Variants in RILPL1 observed in about 807,000 individuals in gnomAD.
The protein encoded by RILPL1 is RILP-like protein 1.
RILPL1 carries 33 observed loss-of-function variants against 50.3 expected under a neutral mutation model. The ratio of observed to expected loss-of-function variants is 0.66; its 90% CI spans 0.50 to 0.88. The LOEUF is 0.88. Among genes scored for constraint, RILPL1 ranks in the 40% least tolerant of loss-of-function variants. The pLI is 0.00. For synonymous variants in RILPL1, 205 were observed against 228.6 expected, an observed-to-expected ratio of 0.90 and a Z score of 0.93; for missense variants, 418 against 542.5, an observed-to-expected ratio of 0.77 and a Z score of 2.28.
At chr12:123,497,217 T>C (rs1274065181) in intron 4 of RILPL1, among the ~76,000 whole-genome samples, 9 of 152,196 alleles carry the variant, frequency 5.9e-5, no homozygotes, top group East Asian at 3.9e-4. Flanking sequence ...TTCCACCTTT[T>C]GGCGACTGTG....
chr12:123,499,719 T>A (rs1393399975), intron 2 of RILPL1, among the ~76,000 whole-genome samples, 183 bp from the exon 3 acceptor site: 1 of 151,906 alleles, frequency 6.6e-6, no homozygotes, highest in Non-Finnish European at 1.5e-5. Flanking sequence ...ATTCCTTGAT[T>A]CCCCCCGAGG....
At chr12:123,530,608 G>A (rs1254971809) in intron 1 of RILPL1, among the ~76,000 whole-genome samples, 1 of 152,234 alleles carries the variant, frequency 6.6e-6, no homozygotes, top group Non-Finnish European at 1.5e-5. Context: ...AACAATGCAT[G>A]GCACACAGTA....
rs193132341 is a variant in RILPL1 at position 123,518,156 on chromosome 12, C to T, written c.460+5339G>A. On this transcript the variant is annotated intron_variant, in intron 2 of 6. Coordinates refer to ENST00000376874, the MANE Select transcript of RILPL1 (RefSeq NM_178314.5). ...GAGTTCTGGAGATGGATGGTGGTGG[C>T]GGCTGCACAAGACTGTGAATGTACT... is the stretch of plus-strand genomic sequence containing the variant. Among the ~76,000 whole-genome samples the T allele has an allele frequency of 1.6e-4, 25 of 152,064 alleles. No individual in the cohort carries two copies. The East Asian group carries it at 3.1e-3, about 19-fold the overall frequency.
At chr12:123,501,490 G>A (rs1418488057) in intron 2 of RILPL1, among the ~76,000 whole-genome samples, 2 of 151,226 alleles carry the variant, frequency 1.3e-5, no homozygotes, top group African/African-American at 2.5e-5. Flanking sequence ...GCTGGGTGCC[G>A]GTGGCTCACG....
At chr12:123,476,379 T>G (rs1219478474) in intron 6 of RILPL1, among the ~76,000 whole-genome samples, 4 of 147,174 alleles carry the variant, frequency 2.7e-5, no homozygotes, top group African/African-American at 1.0e-4. Flanking sequence ...AGGTGGAGGT[T>G]GCGGTGAGCC....
At chr12:123,513,529 T>C in intron 2 of RILPL1, 1 of 210,136 alleles carries the variant, frequency 4.8e-6, no homozygotes. Flanking sequence ...CTGACTCCTA[T>C]CCCAGCTTCG....
intron 2 of RILPL1, chr12:123,514,481 C>CAGTG (rs987832540): frequency 6.6e-6 from 1 of 151,760 alleles, no homozygotes; most frequent in African/African-American, 2.4e-5. Context: ...GGCTGGAGTA[C>CAGTG]AGTGGCGCAA....
chr12:123,503,186 CTTTTTTTT>C (rs373514624), intron 2 of RILPL1, among the ~76,000 whole-genome samples: 6 of 80,734 alleles, frequency 7.4e-5, no homozygotes, highest in African/African-American at 1.7e-4. Flanking sequence ...CACGCCTGGC[CTTTTTTTT>C]TTTTTTTTTT....
At chr12:123,488,581 C>A (rs550314523) in intron 4 of RILPL1, among the ~76,000 whole-genome samples, 2 of 152,344 alleles carry the variant, frequency 1.3e-5, no homozygotes, top group Non-Finnish European at 2.9e-5. Flanking sequence ...AGGCTTCACA[C>A]CCTGTGGGAG....
rs762491099 is a variant in RILPL1, at chr12:123,499,427, G to A, written c.570C>T (p.Asp190=). Residue 190 remains aspartate (D), a synonymous_variant, in exon 3 of 7, where the codon GAC becomes GAT. Coordinates refer to ENST00000376874, the MANE Select transcript of RILPL1 (RefSeq NM_178314.5). ...KDRELGLKNE[D]VEALQQQQTR... is the part of the protein sequence containing the mutation. ...GGGGTGTGTCACTCACAGCCTCAAC[G>A]TCCTCATTTTTCAGGCCCAGCTCCC... 1.1e-5 allele frequency: 18 copies of A among 1,612,834 alleles called. No individual in the cohort carries two copies. Among genetic ancestry groups the A allele is most frequent in the Middle Eastern group, 1.6e-4 (1 of 6,082 alleles).
chr12:123,491,620 A>C lies in RILPL1; in HGVS notation c.802-5815T>G, dbSNP rs910896320. On this transcript the variant is annotated intron_variant, in intron 4 of 6. Transcript: ENST00000376874. This position sits in a 1 kb window ranked among gnomAD's most constrained non-coding sequence, Gnocchi z 4.0. ...ACCAGGCCTAGCATAAATTCAATGC[A>C]TAAATTCTGCCCGCCTTTCAGCCAG... Among the ~76,000 whole-genome samples, 2 of 152,234 alleles carry C rather than the reference A, an allele frequency of 1.3e-5. No homozygotes were observed. Among genetic ancestry groups the C allele is most frequent in the Admixed American group, 1.3e-4 (2 of 15,270 alleles).
chr12:123,513,160 CTG>C (rs758039718), intron 2 of RILPL1, among the ~76,000 whole-genome samples: 2 of 148,532 alleles, frequency 1.3e-5, no homozygotes, highest in South Asian at 2.2e-4. Context: ...GGTGTGAGGT[CTG>C]TGTGTGTGGC....
At chr12:123,495,194 T>C (rs1233909119) in intron 4 of RILPL1, among the ~76,000 whole-genome samples, 1 of 151,802 alleles carries the variant, frequency 6.6e-6, no homozygotes, top group Non-Finnish European at 1.5e-5. Flanking sequence ...CAAATACTAG[T>C]GGCAACTGTA....
intron 6 of RILPL1, among the ~76,000 whole-genome samples, chr12:123,481,808 C>T (rs570229065): frequency 8.5e-5 from 13 of 152,092 alleles, no homozygotes; most frequent in Middle Eastern, 3.4e-3. Flanking sequence ...CCACTCGCCT[C>T]GGCCTCCCAA....
At chr12:123,528,858 C>T (rs907738426) in intron 1 of RILPL1, among the ~76,000 whole-genome samples, 4 of 152,078 alleles carry the variant, frequency 2.6e-5, no homozygotes, top group African/African-American at 9.7e-5. Context: ...GTTGACCACT[C>T]AGAATCTCAT....
At chr12:123,511,699 GT>G in intron 2 of RILPL1, among the ~76,000 whole-genome samples, 1 of 128,242 alleles carries the variant, frequency 7.8e-6, no homozygotes, top group Non-Finnish European at 1.6e-5. Flanking sequence ...TGTGTGTGTG[GT>G]GTGAGATCTG....
Position 123,533,308 on chromosome 12 carries a change from G to A in RILPL1, c.175C>T (p.Arg59Cys). 1 of 1,582,840 alleles carries A rather than the reference G, an allele frequency of 6.3e-7. No homozygotes were observed. Among genetic ancestry groups the A allele is most frequent in the East Asian group, 2.3e-5 (1 of 43,416 alleles). The change falls in exon 1 of 7, where the codon CGC becomes TGC. Residue 59 changes from arginine (R) to cysteine (C), a missense_variant. Coordinates refer to ENST00000376874, the MANE Select transcript of RILPL1 (RefSeq NM_178314.5). The surrounding 1 kb of genome is among the most constrained non-coding windows in gnomAD (Gnocchi z 6.2). ...AGCACCTCCAGGATCTCCAGGACGC[G>A]CACGACCTTGGGCATGAGGCGCGCG... The part of the protein sequence containing the change: ...AIARLMPKVV[R>C]VLEILEVLVS...
Position 123,485,651 on chromosome 12 carries a change from T to A in RILPL1, c.956A>T (p.Glu319Val). ...LKSKVFLLQE[E>V]LAYYKSEEME... ...CACTTGCCTCTTATAGTAAGCCAGC[T>A]CCTCCTGCAGCAAGAACACCTTGGA... Residue 319 changes from glutamate to valine, a missense_variant, in exon 5 of 7, where the codon GAG (glutamate) becomes GTG (valine). By Grantham distance (121) the Glu-to-Val change is moderately radical (BLOSUM62 -2). Coordinates refer to ENST00000376874, the MANE Select transcript of RILPL1 (RefSeq NM_178314.5). This position sits in a 1 kb window ranked among gnomAD's most constrained non-coding sequence, Gnocchi z 4.0. The A allele has an allele frequency of 6.2e-7, 1 of 1,613,662 alleles. No homozygotes were observed. Among genetic ancestry groups the A allele is most frequent in the African/African-American group, 1.3e-5 (1 of 75,024 alleles).
intron 2 of RILPL1, among the ~76,000 whole-genome samples, chr12:123,505,968 T>C (rs1883721637): frequency 6.6e-6 from 1 of 152,196 alleles, no homozygotes; most frequent in Non-Finnish European, 1.5e-5. Flanking sequence ...GACACCGAAC[T>C]AGTCATGAGG....
Sources: allele counts gnomAD v4.1 joint callset (sites outside exome capture counted in the v4.1 genomes callset), GRCh38; gene constraint gnomAD v4.1.1; non-coding constraint Gnocchi (gnomAD v3.1); transcripts MANE v1.5; gene names NCBI Gene and HGNC (gene_info 2026-07-23, HGNC 2026-07-21).